Variants in LRRC49 observed in about 807,000 individuals in gnomAD.
LRRC49 encodes the protein leucine rich repeat containing 49.
Under a neutral mutation model 83.3 loss-of-function variants are expected in LRRC49, and 50 were observed. The ratio of observed to expected loss-of-function variants is 0.60; its 90% CI spans 0.48 to 0.76. The LOEUF (loss-of-function observed/expected upper bound fraction) is 0.76, where lower values mean the gene tolerates loss of function less well. Ranked by LOEUF, LRRC49 falls within the 30% of genes least tolerant of loss-of-function variation. The pLI, the probability that LRRC49 is intolerant of heterozygous loss-of-function variation, is 0.00. For synonymous variants in LRRC49, 286 were observed against 283.3 expected (o/e 1.01, Z -0.10); for missense variants, 704 against 809.1 (o/e 0.87, Z 1.58).
At chr15:70,941,389 CA>C (rs1303345930) in intron 8 of LRRC49, among the ~76,000 whole-genome samples, 1 of 150,214 alleles carries the variant, frequency 6.7e-6, no homozygotes, top group African/African-American at 2.5e-5. Context: ...AGATCAAAAG[CA>C]AAAATTATTC....
upstream of LRRC49, among the ~76,000 whole-genome samples, chr15:70,891,003 G>A (rs770363492): frequency 6.6e-6 from 1 of 152,208 alleles, no homozygotes; most frequent in Non-Finnish European, 1.5e-5. Flanking sequence ...CCACCCCAAT[G>A]TAGGAAGCAG....
At chr15:70,911,653 G>A (rs2034556944) in intron 6 of LRRC49, 55 bp downstream of exon 6, 1 of 1,097,742 alleles carries the variant, frequency 9.1e-7, no homozygotes, top group Non-Finnish European at 1.3e-6. Flanking sequence ...CAGGAAAATG[G>A]TATAAAAGTT....
At chr15:71,030,109 T>G (rs973557016) in intron 14 of LRRC49, among the ~76,000 whole-genome samples, 6 of 152,232 alleles carry the variant, frequency 3.9e-5, no homozygotes, top group African/African-American at 1.4e-4. Context: ...AGTTTCTACA[T>G]AGTATCTTTG....
At chr15:70,996,980 A>C (rs1596118676) in intron 11 of LRRC49, among the ~76,000 whole-genome samples, 1 of 152,224 alleles carries the variant, frequency 6.6e-6, no homozygotes, top group South Asian at 2.1e-4. Context: ...CATATGGTCT[A>C]TCCCAGAGAA....
intron 6 of LRRC49, among the ~76,000 whole-genome samples, chr15:70,917,668 C>G (rs2034839047): frequency 6.6e-6 from 1 of 152,218 alleles, no homozygotes; most frequent in East Asian, 1.9e-4. Flanking sequence ...GCTACCCTCT[C>G]TGCTAGGAGC....
At chr15:71,030,816 G>A (rs1021884337) in intron 14 of LRRC49, among the ~76,000 whole-genome samples, 1 of 151,588 alleles carries the variant, frequency 6.6e-6, no homozygotes, top group African/African-American at 2.4e-5. Flanking sequence ...TTCAGCTATT[G>A]ATACTTATAT....
intron 9 of LRRC49, among the ~76,000 whole-genome samples, chr15:70,978,500 C>T (rs1165408133): frequency 6.6e-6 from 1 of 152,170 alleles, no homozygotes; most frequent in Admixed American, 6.5e-5. Context: ...TGCTATCTCA[C>T]AATGTGTCTT....
upstream of LRRC49, chr15:70,892,361 T>TC: frequency 1.3e-6 from 2 of 1,547,808 alleles, no homozygotes; most frequent in Non-Finnish European, 1.7e-6. Context: ...AGGCAAGTCC[T>TC]CCCCTCCTCA....
rs542594907 is a variant in LRRC49, at chr15:70,963,864, T to C, written c.853T>C (p.Ser285Pro). ...TFDGNPIAQESWYKHTVLQNM... is the reference protein window; with the variant it reads ...TFDGNPIAQEPWYKHTVLQNM... ...TGATGGCAATCCCATAGCTCAAGAG[T>C]CATGGTACAAACACACTGTCCTTCA... Residue 285 changes from serine to proline, a missense_variant, in exon 9 of 16, where the codon TCA (serine) becomes CCA (proline). This residue lies in a region of LRRC49 where 168 missense variants were observed against 140.6 expected (regional missense o/e 1.20). Transcript: ENST00000260382. 131 of 1,613,414 alleles carry C rather than the reference T, an allele frequency of 8.1e-5. 3 individuals carry two copies. In the South Asian group the frequency reaches 1.3e-3, roughly 17 times the overall value.
upstream of LRRC49, chr15:70,892,319 C>G: frequency 6.5e-7 from 1 of 1,550,082 alleles, no homozygotes; most frequent in Non-Finnish European, 8.7e-7. Flanking sequence ...GGACCTTCGC[C>G]CTTGGGCACG....
chr15:71,002,095 A>G (rs1051708049), intron 11 of LRRC49, among the ~76,000 whole-genome samples: 4 of 152,234 alleles, frequency 2.6e-5, no homozygotes, highest in African/African-American at 7.2e-5. Context: ...ATTAAATTTT[A>G]TCATTTGGGA....
intron 11 of LRRC49, among the ~76,000 whole-genome samples, chr15:70,987,016 G>T (rs1013855389): frequency 7.2e-5 from 11 of 152,168 alleles, no homozygotes; most frequent in African/African-American, 2.2e-4. Flanking sequence ...GCTTTTTGAT[G>T]TGCTGCTGGA....
intron 7 of LRRC49, among the ~76,000 whole-genome samples, chr15:70,926,667 C>T (rs2035212416): frequency 1.3e-5 from 2 of 152,062 alleles, no homozygotes; most frequent in African/African-American, 4.8e-5. Flanking sequence ...ATCCCTACCC[C>T]TTCCCCCCAC....
At chr15:70,923,365 T>C (rs1397246045) in intron 7 of LRRC49, among the ~76,000 whole-genome samples, 5 of 152,034 alleles carry the variant, frequency 3.3e-5, no homozygotes, top group African/African-American at 1.2e-4. Flanking sequence ...TTGTCTAGTA[T>C]TTGTCAGTAT....
rs532736814 is a variant in LRRC49 at position 71,019,132 on chromosome 15, A to G, written c.1703+6219A>G. Among the ~76,000 whole-genome samples, 5 of 152,158 alleles carry G rather than the reference A, an allele frequency of 3.3e-5. No homozygotes were observed. The South Asian group carries it at 6.2e-4, about 19-fold the overall frequency. On this transcript the variant is annotated intron_variant, in intron 14 of 15. Coordinates refer to ENST00000260382, the MANE Select transcript of LRRC49 (RefSeq NM_017691.5). ...CCTTTTGGGTTTTTGTGGAGACATCATTATGTAGGCATGATAAATGAAATC... is the reference window on the plus strand; with the variant it reads ...CCTTTTGGGTTTTTGTGGAGACATCGTTATGTAGGCATGATAAATGAAATC...
Position 70,897,235 on chromosome 15 carries a change from T to C in LRRC49, c.193+1299T>C, listed in dbSNP as rs2033875132. Among the ~76,000 whole-genome samples the C allele has an allele frequency of 2.0e-5, 3 of 152,188 alleles. 1 individual carries two copies. The South Asian group carries it at 6.2e-4, about 32-fold the overall frequency. ...ACTTATTTAAGTGGTAAAGTATTAC[T>C]AGATATTCGCTAATGAGGAAATAGT... is the stretch of plus-strand genomic sequence containing the variant. On this transcript the variant is annotated intron_variant, in intron 3 of 15. Transcript: ENST00000260382.
At chr15:70,942,033 A>ATTTGTGTG (rs1340541101) in intron 8 of LRRC49, among the ~76,000 whole-genome samples, 183 of 144,188 alleles carry the variant, frequency 1.3e-3, no homozygotes, top group African/African-American at 4.5e-3. Flanking sequence ...TGTAAAGGTT[A>ATTTGTGTG]TGTGTGTGTG....
At chr15:70,993,851 T>G (rs958324248) in intron 11 of LRRC49, among the ~76,000 whole-genome samples, 114 of 152,190 alleles carry the variant, frequency 7.5e-4, no homozygotes, top group African/African-American at 2.6e-3. Flanking sequence ...AATTTTTTTC[T>G]TTCTTCTTTT....
At chr15:71,019,751 C>A (rs900546900) in intron 14 of LRRC49, among the ~76,000 whole-genome samples, 1 of 152,178 alleles carries the variant, frequency 6.6e-6, no homozygotes, top group Non-Finnish European at 1.5e-5. Context: ...AGCCTGAATT[C>A]ATAACACATA....
Sources: allele counts gnomAD v4.1 joint callset (sites outside exome capture counted in the v4.1 genomes callset), GRCh38; gene constraint gnomAD v4.1.1; regional missense constraint gnomAD v4.1.1; transcripts MANE v1.5; gene names NCBI Gene and HGNC (gene_info 2026-07-23, HGNC 2026-07-21).